The following WWOX variants were observed in gnomAD, a reference collection of about 807,000 sequenced individuals.
WWOX encodes WW domain-containing oxidoreductase.
A neutral mutation model predicts 46.2 loss-of-function variants in WWOX; 69 were observed. The ratio of observed to expected loss-of-function variants is 1.49; its 90% CI spans 1.23 to 1.82. WWOX has a LOEUF of 1.82. Among genes scored for constraint, WWOX ranks in the 40% most tolerant of loss-of-function variants. The pLI, the probability that WWOX is intolerant of heterozygous loss-of-function variation, is 0.00. For synonymous variants in WWOX, 359 were observed against 202.6 expected, an observed-to-expected ratio of 1.77 and a Z score of -6.56; for missense variants, 919 against 542.6, an observed-to-expected ratio of 1.69 and a Z score of -6.89.
At position 78,324,947 on chromosome 16, in the gene WWOX, T is replaced by TA. The variant is rs368189784; in HGVS notation, c.517-61907dup. On this transcript the variant is annotated intron_variant, in intron 5 of 8. Coordinates refer to ENST00000566780, the MANE Select transcript of WWOX (RefSeq NM_016373.4). The stretch of plus-strand genomic sequence containing the variant: ...GTCAATTATATCTCAATAAAGCTGT[T>TA]AAAAAATCTGAAAGTGTCAATTAAT... Among the ~76,000 whole-genome samples the TA allele has an allele frequency of 5.1e-3, 776 of 152,308 alleles. 4 individuals are homozygous for TA. The highest frequency in any genetic ancestry group is 0.018 in the African/African-American group (735 of 41,564).
At chr16:78,519,422 T>TA (rs1250440130) in intron 8 of WWOX, among the ~76,000 whole-genome samples, 1 of 152,134 alleles carries the variant, frequency 6.6e-6, no homozygotes, top group Non-Finnish European at 1.5e-5. Flanking sequence ...CCATGGAAGG[T>TA]AAAACATGTT....
chr16:78,557,227 A>AT (rs35650132), intron 8 of WWOX, among the ~76,000 whole-genome samples: 21,364 of 152,012 alleles, frequency 0.14, 1,567 homozygotes, highest in South Asian at 0.2. Context: ...AATTATCATG[A>AT]TTATTATTAT....
chr16:78,640,194 T>A (rs892915925), intron 8 of WWOX, among the ~76,000 whole-genome samples: 1 of 145,632 alleles, frequency 6.9e-6, no homozygotes, highest in Non-Finnish European at 1.5e-5. Flanking sequence ...GGGTCATGGG[T>A]GTGTGTGTGT....
At chr16:78,636,516 T>C (rs1378451960) in intron 8 of WWOX, among the ~76,000 whole-genome samples, 1 of 152,196 alleles carries the variant, frequency 6.6e-6, no homozygotes. Flanking sequence ...TTTTTTTTCC[T>C]AATAGAAAAT....
At chr16:79,123,817 C>T (rs888347325) in intron 8 of WWOX, among the ~76,000 whole-genome samples, 8 of 152,110 alleles carry the variant, frequency 5.3e-5, no homozygotes, top group Non-Finnish European at 1.0e-4. Context: ...TTCATATCCC[C>T]GTGCCATCCG....
At chr16:78,193,514 A>G (rs1248314089) in intron 5 of WWOX, among the ~76,000 whole-genome samples, 3 of 152,278 alleles carry the variant, frequency 2.0e-5, no homozygotes, top group African/African-American at 4.8e-5. Context: ...CACCCCATTA[A>G]CCACACATGA....
chr16:78,760,237 A>T (rs1310775221), intron 8 of WWOX, among the ~76,000 whole-genome samples: 1 of 152,152 alleles, frequency 6.6e-6, no homozygotes, highest in Non-Finnish European at 1.5e-5. Context: ...AGATCTCATG[A>T]GACTTATTCA....
intron 8 of WWOX, among the ~76,000 whole-genome samples, chr16:79,110,346 C>G (rs929839127): frequency 2.6e-5 from 4 of 152,168 alleles, no homozygotes; most frequent in African/African-American, 9.7e-5. Context: ...AACCTCCCCC[C>G]ATCATTCCAG....
intron 8 of WWOX, among the ~76,000 whole-genome samples, chr16:78,762,546 G>C (rs2049820009): frequency 6.6e-6 from 1 of 152,210 alleles, no homozygotes; most frequent in Non-Finnish European, 1.5e-5. Context: ...TCAGAGCATA[G>C]GGCAGCACAC....
In WWOX at chr16:78,501,685, C is replaced by T. The variant is rs150928720; in HGVS notation, c.1056+68933C>T. Among the ~76,000 whole-genome samples, 70 of 152,168 alleles carry T rather than the reference C, an allele frequency of 4.6e-4. 2 individuals carry two copies. Among genetic ancestry groups the T allele is most frequent in the African/African-American group, 1.5e-3 (63 of 41,526 alleles). On this transcript the variant is annotated intron_variant, in intron 8 of 8. Coordinates refer to ENST00000566780, the MANE Select transcript of WWOX (RefSeq NM_016373.4). Reference sequence around the variant, plus strand: ...CCGAGTAACTAGGATTACAGGCATCCGCCACCATGCTTGGGTAATTTTTGT... The same window carrying T: ...CCGAGTAACTAGGATTACAGGCATCTGCCACCATGCTTGGGTAATTTTTGT...
chr16:78,978,566 A>G (rs2046617816), intron 8 of WWOX, among the ~76,000 whole-genome samples: 1 of 152,216 alleles, frequency 6.6e-6, no homozygotes, highest in African/African-American at 2.4e-5. Flanking sequence ...AAGAGGTTTA[A>G]TTGGCTCATG....
At chr16:78,821,849 C>G (rs190413679) in intron 8 of WWOX, among the ~76,000 whole-genome samples, 283 of 152,280 alleles carry the variant, frequency 1.9e-3, no homozygotes, top group African/African-American at 6.5e-3. Flanking sequence ...GCTAACAATT[C>G]TCATCTCCAA....
At chr16:79,074,340 C>T (rs1392787270) in intron 8 of WWOX, among the ~76,000 whole-genome samples, 1 of 142,598 alleles carries the variant, frequency 7.0e-6, no homozygotes, top group Non-Finnish European at 1.5e-5. Flanking sequence ...GAGAAGTAAA[C>T]ATCTGACTTC....
rs889048334 is a variant in WWOX at position 78,525,182 on chromosome 16, T to A, written c.1056+92430T>A. The A allele has an allele frequency of 2.9e-5, 3 of 105,218 alleles. No individual in the cohort carries two copies. In the East Asian group the frequency reaches 9.0e-4, roughly 32 times the overall value. 6.5% of individuals were successfully genotyped at this position (105,218 alleles called of 1,614,324 possible). A position where few individuals can be genotyped will look rare whatever the true frequency, so the allele number is the denominator to read the frequency against. On this transcript the variant is annotated intron_variant, in intron 8 of 8. Transcript: ENST00000566780. ...TGCCCAGCCAAATTTTGTTTTTCTT[T>A]TCTTTTTTTTTTTTTTTTTTTGAAA... is the stretch of plus-strand genomic sequence containing the variant.
At chr16:78,238,089 T>A (rs190098599) in intron 5 of WWOX, 15 of 152,366 alleles carry the variant, frequency 9.8e-5, no homozygotes, top group African/African-American at 3.1e-4. Context: ...ACACCTTACC[T>A]CCTGGGGATA....
At position 78,261,788 on chromosome 16, in the gene WWOX, C is replaced by CTAGATA. The variant is rs1491587303; in HGVS notation, c.516+97501_516+97502insGATATA. Among the ~76,000 whole-genome samples the CTAGATA allele has an allele frequency of 3.2e-3, 236 of 73,728 alleles. 3 individuals carry two copies. The highest frequency in any genetic ancestry group is 7.4e-3 in the Admixed American group (53 of 7,198). 48.4% of individuals were successfully genotyped at this position (73,728 alleles called of 152,430 possible). ...TCTATCTATGTATCTATCTATCTAT[C>CTAGATA]TATATATATATATATATATATATAT... On this transcript the variant is annotated intron_variant, in intron 5 of 8. Transcript: ENST00000566780.
In WWOX at chr16:78,177,772, G is replaced by T. The variant is rs112306750; in HGVS notation, c.516+13483G>T. Among the ~76,000 whole-genome samples the T allele has an allele frequency of 4.5e-3, 687 of 152,292 alleles. 7 individuals carry two copies. The highest frequency in any genetic ancestry group is 0.016 in the African/African-American group (668 of 41,564). On this transcript the variant is annotated intron_variant, in intron 5 of 8. Transcript: ENST00000566780. The stretch of plus-strand genomic sequence containing the variant: ...AGTGACTGAGATAGACAGACATTTG[G>T]GCTGAATTAGCGAGGGGAGTGCGGG...
chr16:79,114,398 A>C (rs1406826207), intron 8 of WWOX, among the ~76,000 whole-genome samples: 1 of 151,736 alleles, frequency 6.6e-6, no homozygotes, highest in African/African-American at 2.4e-5. Flanking sequence ...ACGTATCTAC[A>C]TGTATGCACA....
intron 4 of WWOX, among the ~76,000 whole-genome samples, chr16:78,131,338 A>G (rs1331879476): frequency 6.6e-6 from 1 of 152,142 alleles, no homozygotes; most frequent in East Asian, 1.9e-4. Context: ...CAGCCTCCTG[A>G]GTAGCTTGGA....
Sources: gnomAD v4.1 joint callset for allele counts (sites outside exome capture counted in the v4.1 genomes callset) on GRCh38, gnomAD v4.1.1 for gene constraint, MANE v1.5 for transcripts, NCBI Gene and HGNC (gene_info 2026-07-23, HGNC 2026-07-21) for gene names.